GNAQ: variants seen among roughly 807,000 people sequenced by gnomAD.
GNAQ encodes the protein guanine nucleotide-binding protein G(q) subunit alpha.
Under a neutral mutation model 43.9 loss-of-function variants are expected in GNAQ, and 8 were observed. The observed-to-expected ratio is 0.18, with a 90% confidence interval of 0.11 to 0.33. GNAQ has a LOEUF of 0.33. Ranked by LOEUF, GNAQ falls within the 10% of genes least tolerant of loss-of-function variation. The pLI, the probability that GNAQ is intolerant of heterozygous loss-of-function variation, is 1.00. For missense variants in GNAQ, 158 were observed against 450.8 expected (o/e 0.35, Z 5.88); for synonymous variants, 155 against 170.7 (o/e 0.91, Z 0.71).
intron 5 of GNAQ, among the ~76,000 whole-genome samples, chr9:77,758,886 CAT>C (rs1456802546): frequency 2.0e-5 from 3 of 152,102 alleles, no homozygotes; most frequent in South Asian, 4.1e-4. Context: ...AGGCAAATAA[CAT>C]ATATATTTAA....
chr9:77,861,697 G>T (rs1827854363), intron 2 of GNAQ, among the ~76,000 whole-genome samples: 1 of 152,066 alleles, frequency 6.6e-6, no homozygotes, highest in Non-Finnish European at 1.5e-5. Flanking sequence ...TCACATCCCG[G>T]TCACACTGAT....
chr9:77,826,365 C>A (rs1203139176), intron 2 of GNAQ, among the ~76,000 whole-genome samples: 1 of 152,192 alleles, frequency 6.6e-6, no homozygotes, highest in Non-Finnish European at 1.5e-5. Context: ...CTCCACAGAA[C>A]TGAGAATTAT....
chr9:77,922,970 T>G (rs1829019358), intron 1 of GNAQ, among the ~76,000 whole-genome samples: 1 of 151,588 alleles, frequency 6.6e-6, no homozygotes, highest in South Asian at 2.1e-4. Context: ...CACCTCAGCC[T>G]CCCCATAGCT....
chr9:77,947,114 T>C (rs1822914188), intron 1 of GNAQ, among the ~76,000 whole-genome samples: 1 of 152,254 alleles, frequency 6.6e-6, no homozygotes, highest in African/African-American at 2.4e-5. Flanking sequence ...ACCTCCCCCA[T>C]TCTTGTCCTT....
At chr9:77,965,692 T>C (rs760706527) in intron 1 of GNAQ, among the ~76,000 whole-genome samples, 49 of 152,264 alleles carry the variant, frequency 3.2e-4, no homozygotes, top group Middle Eastern at 3.4e-3. Context: ...AGACTGACTA[T>C]ACCAAGTGCT....
rs1289390898 is a variant in GNAQ at position 77,720,315 on chromosome 9, C to T, written c.*1008G>A. 8.6e-6 allele frequency: 2 copies of T among 233,266 alleles called. No homozygotes were observed. Among genetic ancestry groups the T allele is most frequent in the African/African-American group, 4.4e-5 (2 of 45,274 alleles). The allele number at this position is 233,266 out of a possible 1,614,324, so 14.4% of individuals were successfully genotyped here. A position where few individuals can be genotyped will look rare whatever the true frequency, so the allele number is the denominator to read the frequency against. ...GTATTCATTTTATTTGACAAAAAGC[C>T]AGCTTTGGCAACACATACCCATAAT... On this transcript the variant is annotated 3_prime_UTR_variant, in exon 7 of 7. Coordinates refer to ENST00000286548, the MANE Select transcript of GNAQ (RefSeq NM_002072.5).
At chr9:77,796,733 T>A (rs1432013856) in intron 4 of GNAQ, among the ~76,000 whole-genome samples, 1 of 152,220 alleles carries the variant, frequency 6.6e-6, no homozygotes. Flanking sequence ...AAACATCACA[T>A]ATTTTTCTTG....
intron 2 of GNAQ, among the ~76,000 whole-genome samples, chr9:77,912,420 T>G (rs183862119): frequency 8.3e-4 from 126 of 152,310 alleles, no homozygotes; most frequent in African/African-American, 3.0e-3. Flanking sequence ...ATTTTAGATC[T>G]GAATGTAAAA....
chr9:78,020,606 G>A (rs992078212), intron 1 of GNAQ, among the ~76,000 whole-genome samples: 7 of 152,156 alleles, frequency 4.6e-5, no homozygotes, highest in African/African-American at 1.4e-4. Flanking sequence ...GGCCAGAAGA[G>A]GCAGCATTGG....
At chr9:77,805,246 A>G (rs2118482758) in intron 3 of GNAQ, among the ~76,000 whole-genome samples, 1 of 152,248 alleles carries the variant, frequency 6.6e-6, no homozygotes, top group South Asian at 2.1e-4. Flanking sequence ...GGTTAGTGGC[A>G]CAAGATTGCT....
intron 1 of GNAQ, among the ~76,000 whole-genome samples, chr9:77,949,271 C>T (rs551735185): frequency 2.0e-5 from 3 of 152,270 alleles, no homozygotes; most frequent in South Asian, 2.1e-4. Context: ...GGTGCAGAGG[C>T]AAGTTCAAGG....
rs142236027 is a variant in GNAQ, at chr9:77,901,685, G to A, written c.321+20476C>T. Among the ~76,000 whole-genome samples, 12 of 152,236 alleles carry A rather than the reference G, an allele frequency of 7.9e-5. No individual in the cohort carries two copies. The East Asian group carries it at 1.2e-3, about 15-fold the overall frequency. On this transcript the variant is annotated intron_variant, in intron 2 of 6. Coordinates refer to ENST00000286548, the MANE Select transcript of GNAQ (RefSeq NM_002072.5). ...CTACCCTAGAAATCCTGGTTTGAACGCTACCATCCTATACTTTTACAGTTT... is the reference window on the plus strand; with the variant it reads ...CTACCCTAGAAATCCTGGTTTGAACACTACCATCCTATACTTTTACAGTTT...
chr9:77,731,829 T>C (rs891902101), intron 5 of GNAQ, among the ~76,000 whole-genome samples: 1 of 152,206 alleles, frequency 6.6e-6, no homozygotes, highest in Non-Finnish European at 1.5e-5. Context: ...CCCATTTTCA[T>C]GATAAGAAGT....
chr9:78,019,510 C>A (rs1185753142), intron 1 of GNAQ, among the ~76,000 whole-genome samples: 1 of 152,212 alleles, frequency 6.6e-6, no homozygotes, highest in African/African-American at 2.4e-5. Context: ...TATAAAGGTT[C>A]ATTTCAAGTA....
At chr9:77,797,431 C>G (rs1399698077) in intron 4 of GNAQ, 89 bp downstream of exon 4, 3 of 946,422 alleles carry the variant, frequency 3.2e-6, no homozygotes, top group Non-Finnish European at 3.4e-6. Flanking sequence ...TGTTTTGAAG[C>G]CTACACATGA....
rs554451581 is a variant in GNAQ at position 77,857,940 on chromosome 9, C to G, written c.322-42170G>C. 4.6e-5 allele frequency among the ~76,000 whole-genome samples: 7 copies of G among 151,118 alleles called. No homozygotes were observed. In the East Asian group the frequency reaches 5.9e-4, roughly 13 times the overall value. On this transcript the variant is annotated intron_variant, in intron 2 of 6. Transcript: ENST00000286548. Reference sequence around the variant, plus strand: ...CATAGCATCAGGCTTCTTTTTATTTCCTTACAAACTCCCCAAAAGCTTTTT... The same window carrying G: ...CATAGCATCAGGCTTCTTTTTATTTGCTTACAAACTCCCCAAAAGCTTTTT...
At chr9:78,005,010 T>A (rs1221255635) in intron 1 of GNAQ, among the ~76,000 whole-genome samples, 1 of 152,098 alleles carries the variant, frequency 6.6e-6, no homozygotes, top group Non-Finnish European at 1.5e-5. Flanking sequence ...TATTTCACAA[T>A]GAATGCAATG....
chr9:78,001,586 CT>C (rs72077017), intron 1 of GNAQ, among the ~76,000 whole-genome samples: 3,469 of 141,364 alleles, frequency 0.025, 107 homozygotes, highest in African/African-American at 0.068. Flanking sequence ...CTTCTTTGTA[CT>C]TTTTTTTTTT....
chr9:77,760,864 G>T (rs569005088), intron 5 of GNAQ, among the ~76,000 whole-genome samples: 5 of 148,360 alleles, frequency 3.4e-5, no homozygotes, highest in South Asian at 4.3e-4. Flanking sequence ...CCACCGCCCC[G>T]TCTGGGATGT....
Sources: gnomAD v4.1 joint callset for allele counts (sites outside exome capture counted in the v4.1 genomes callset) on GRCh38, gnomAD v4.1.1 for gene constraint, MANE v1.5 for transcripts, NCBI Gene and HGNC (gene_info 2026-07-23, HGNC 2026-07-21) for gene names.